The following EIF3L variants were observed in gnomAD, a reference collection of about 807,000 sequenced individuals.
The protein encoded by EIF3L is eukaryotic translation initiation factor 3 subunit L.
EIF3L carries 32 observed loss-of-function variants against 74.6 expected under a neutral mutation model. That is an observed-to-expected ratio of 0.43 (90% CI 0.32 to 0.58). The LOEUF (loss-of-function observed/expected upper bound fraction) is 0.58. Among genes scored for constraint, EIF3L ranks in the 20% least tolerant of loss-of-function variants. The probability of loss-of-function intolerance (pLI) is 0.06; values close to 1 mark genes in which losing one functional copy is unlikely to be tolerated. For synonymous variants in EIF3L, 256 were observed against 254.4 expected (o/e 1.01, Z -0.06); for missense variants, 474 against 707.8 (o/e 0.67, Z 3.75).
In EIF3L at chr22:37,851,368, G is replaced by T. The variant is rs538389346; in HGVS notation, c.171G>T (p.Gln57His). The T allele has an allele frequency of 6.2e-7, 1 of 1,614,146 alleles. No individual in the cohort carries two copies. Among genetic ancestry groups the T allele is most frequent in the East Asian group, 2.2e-5 (1 of 44,872 alleles). The change falls in exon 3 of 13, where the codon CAG becomes CAT. Residue 57 changes from glutamine to histidine, a missense_variant. Around this residue, in one of 4 missense-constraint regions of EIF3L, gnomAD observed 141 missense variants for 197.7 expected, o/e 0.71. Coordinates refer to ENST00000652021, the MANE Select transcript of EIF3L (RefSeq NM_016091.4). ...CTGAGGTGATCAAAAACTTCATCCA[G>T]TATTTCCACAAAACTGTCTCAGATT... ...VIPEVIKNFI[Q>H]YFHKTVSDLI...
At chr22:37,849,569 C>T (rs1925045830) in intron 1 of EIF3L, 87 bp downstream of exon 1, 2 of 1,458,586 alleles carry the variant, frequency 1.4e-6, no homozygotes, top group African/African-American at 1.4e-5. Flanking sequence ...AGGCAGCTTC[C>T]GGGTCGCGGC....
At chr22:37,878,583 C>T (rs1926881897) in intron 11 of EIF3L, 1 of 158,890 alleles carries the variant, frequency 6.3e-6, no homozygotes, top group African/African-American at 2.4e-5. Context: ...CCTGCCTCAG[C>T]CTCCTGAGTA....
chr22:37,868,158 A>G (rs1601768624), intron 7 of EIF3L, among the ~76,000 whole-genome samples: 1 of 126,070 alleles, frequency 7.9e-6, no homozygotes, highest in Non-Finnish European at 1.6e-5. Flanking sequence ...TCTTTCGCCC[A>G]GGCTGGAGTG....
chr22:37,873,670 GTC>G (rs1420710029), intron 8 of EIF3L, among the ~76,000 whole-genome samples: 2 of 151,408 alleles, frequency 1.3e-5, no homozygotes, highest in East Asian at 3.9e-4. Flanking sequence ...TTAGAACAGG[GTC>G]TCTCTGTTAC....
Position 37,849,796 on chromosome 22 carries a change from C to T in EIF3L, c.34-219C>T, listed in dbSNP as rs1601748284. On this transcript the variant is annotated intron_variant, in intron 1 of 12. Coordinates refer to ENST00000652021, the MANE Select transcript of EIF3L (RefSeq NM_016091.4). ...GGTCAAATCTCGCTGATTCCCACAG[C>T]CTCTTGTCCTTTGCTCCACCTCATT... is the stretch of plus-strand genomic sequence containing the variant. The T allele has an allele frequency of 1.3e-5, 8 of 613,180 alleles. No homozygotes were observed. The East Asian group carries it at 2.2e-4, about 17-fold the overall frequency. 38.0% of individuals were successfully genotyped at this position (613,180 alleles called of 1,614,324 possible). A position where few individuals can be genotyped will look rare whatever the true frequency, so the allele number is the denominator to read the frequency against.
rs373314595 is a variant in EIF3L, at chr22:37,886,855, C to A, written c.1656+10C>A. The A allele has an allele frequency of 5.0e-6, 8 of 1,605,938 alleles. No individual in the cohort carries two copies. Among genetic ancestry groups the A allele is most frequent in the Non-Finnish European group, 6.8e-6 (8 of 1,174,098 alleles). On this transcript the variant is annotated intron_variant, in intron 12 of 12. Transcript: ENST00000652021. ...CCACAAATTTGAGGAGGTGAGAGAT[C>A]TGAGAGAAGAGGGGTTTGTTGGCTC...
intron 11 of EIF3L, 131 bp from the exon 12 acceptor site, chr22:37,886,634 A>G: frequency 1.7e-6 from 1 of 593,588 alleles, no homozygotes; most frequent in Non-Finnish European, 2.9e-6. Context: ...GTGTTTTTCC[A>G]GTGGTCTTTT....
At chr22:37,857,170 G>T (rs1925562273) in intron 4 of EIF3L, among the ~76,000 whole-genome samples, 1 of 151,752 alleles carries the variant, frequency 6.6e-6, no homozygotes, top group Non-Finnish European at 1.5e-5. Flanking sequence ...GACCATCCTG[G>T]CTAACACGGT....
At chr22:37,878,242 A>G in intron 11 of EIF3L, 71 bp downstream of exon 11, 1 of 1,507,056 alleles carries the variant, frequency 6.6e-7, no homozygotes, top group Admixed American at 2.2e-5. Context: ...TTGTGGGCAC[A>G]TGAAGTATAT....
chr22:37,865,383 C>T (rs1926094781), intron 7 of EIF3L, among the ~76,000 whole-genome samples: 1 of 151,920 alleles, frequency 6.6e-6, no homozygotes, highest in Non-Finnish European at 1.5e-5. Context: ...TCGCTCGAAC[C>T]CGAGAGGCAG....
chr22:37,849,769 C>T (rs896362770), intron 1 of EIF3L: 17 of 606,354 alleles, frequency 2.8e-5, no homozygotes, highest in Non-Finnish European at 4.6e-5. Context: ...TAGGCTCCGT[C>T]TGGTCAAATC....
At chr22:37,865,608 CGTT>C (rs1227265318) in intron 7 of EIF3L, among the ~76,000 whole-genome samples, 4 of 152,066 alleles carry the variant, frequency 2.6e-5, no homozygotes, top group South Asian at 2.1e-4. Flanking sequence ...ACCAGGGAGA[CGTT>C]GTGTATACAA....
chr22:37,850,202 G>GCCTATTATAATTATAAAGCA, intron 2 of EIF3L, 139 bp downstream of exon 2: 1 of 882,250 alleles, frequency 1.1e-6, no homozygotes, highest in Non-Finnish European at 1.8e-6. Flanking sequence ...CCAGTGCGAG[G>GCCTATTATAATTATAAAGCA]GGTTTTATAA....
At chr22:37,874,246 C>A in intron 8 of EIF3L, 124 bp from the exon 9 acceptor site, 2 of 951,868 alleles carry the variant, frequency 2.1e-6, no homozygotes, top group Non-Finnish European at 1.6e-6. Flanking sequence ...AGTTATTCCC[C>A]AGTTGTTGAG....
intron 7 of EIF3L, among the ~76,000 whole-genome samples, chr22:37,865,469 C>A (rs908787159): frequency 5.3e-5 from 8 of 151,608 alleles, no homozygotes; most frequent in African/African-American, 1.5e-4. Context: ...AAAAAAAAAA[C>A]CAAAAAAAAT....
At chr22:37,858,215 CTTCCTTTTTTTTTT>C (rs1011744485) in intron 4 of EIF3L, among the ~76,000 whole-genome samples, 3 of 110,144 alleles carry the variant, frequency 2.7e-5, no homozygotes, top group African/African-American at 1.1e-4. Context: ...TATTTTCTTT[CTTCCTTTTTTTTTT>C]TTTTTTTTTT....
intron 11 of EIF3L, chr22:37,881,145 C>G (rs929628741): frequency 2.6e-5 from 4 of 152,230 alleles, no homozygotes; most frequent in African/African-American, 4.8e-5. Context: ...AGCTTCCTCT[C>G]AGGAGGGGAG....
Position 37,878,127 on chromosome 22 carries a change from G to A in EIF3L, c.1531G>A (p.Gly511Ser). ...GACCAGCGGTATCTCAGCCCTGGATGGTGAATTTCAGTCAGCCTCAGAGGT... is the reference window on the plus strand; with the variant it reads ...GACCAGCGGTATCTCAGCCCTGGATAGTGAATTTCAGTCAGCCTCAGAGGT... ...VWTSGISALD[G>S]EFQSASEVDF... The change falls in exon 11 of 13, where the codon GGT becomes AGT. Residue 511 changes from glycine to serine, a missense_variant. Gly to Ser is a moderately conservative substitution (Grantham distance 56). Transcript: ENST00000652021. 6.2e-7 allele frequency: 1 copy of A among 1,613,312 alleles called. No homozygotes were observed. Among genetic ancestry groups the A allele is most frequent in the South Asian group, 1.1e-5 (1 of 91,032 alleles).
chr22:37,850,324 T>C (rs1190174339), intron 2 of EIF3L, among the ~76,000 whole-genome samples: 2 of 151,590 alleles, frequency 1.3e-5, no homozygotes, highest in Non-Finnish European at 2.9e-5. Context: ...AGAAAAGCTT[T>C]TTTGTTTTTG....
Sources: allele counts gnomAD v4.1 joint callset (sites outside exome capture counted in the v4.1 genomes callset), GRCh38; gene constraint gnomAD v4.1.1; regional missense constraint gnomAD v4.1.1; transcripts MANE v1.5; gene names NCBI Gene and HGNC (gene_info 2026-07-23, HGNC 2026-07-21).